Variants in CAST observed in about 807,000 individuals in gnomAD.
The protein encoded by CAST is calpastatin, also known as MIR583 host.
In CAST, 76 loss-of-function variants were observed where a neutral mutation model predicts 119.6. That is an observed-to-expected ratio of 0.64 (90% CI 0.53 to 0.77). The LOEUF is 0.77. Ranked by LOEUF, CAST falls within the 30% of genes least tolerant of loss-of-function variation. The pLI is 0.00. For missense variants in CAST, 953 were observed against 946.5 expected (o/e 1.01, Z -0.09); for synonymous variants, 319 against 331.6 (o/e 0.96, Z 0.41).
the CAST span, among the ~76,000 whole-genome samples, chr5:96,159,609 G>T: frequency 6.6e-6 from 1 of 151,828 alleles, no homozygotes; most frequent in African/African-American, 2.4e-5. Flanking sequence ...GCAGATTTTT[G>T]TTTTTTACTT....
At chr5:95,989,747 G>A in the CAST span, among the ~76,000 whole-genome samples, 1 of 152,038 alleles carries the variant, frequency 6.6e-6, no homozygotes, top group African/African-American at 2.4e-5. Flanking sequence ...GTAAGTTAAA[G>A]ATCATTATGT....
chr5:96,196,179 C>T, the CAST span, among the ~76,000 whole-genome samples: 4 of 152,154 alleles, frequency 2.6e-5, no homozygotes, highest in Admixed American at 2.6e-4. Context: ...AGAAACTAGA[C>T]AGAAGCCATC....
chr5:96,199,529 A>G, the CAST span, among the ~76,000 whole-genome samples: 1 of 152,094 alleles, frequency 6.6e-6, no homozygotes, highest in Non-Finnish European at 1.5e-5. Context: ...TTCTTGATGT[A>G]CCTATTTTTT....
At chr5:96,767,121 AG>A (rs1233312861) in intron 27 of CAST, among the ~76,000 whole-genome samples, 1 of 152,252 alleles carries the variant, frequency 6.6e-6, no homozygotes, top group African/African-American at 2.4e-5. Context: ...TAAAAACACA[AG>A]TAACTTTTTA....
the CAST span, among the ~76,000 whole-genome samples, chr5:96,202,247 CA>C: frequency 2.0e-5 from 3 of 152,000 alleles, no homozygotes; most frequent in African/African-American, 7.2e-5. Flanking sequence ...AAACCTAATA[CA>C]TTTTTTTCCA....
intron 1 of CAST, among the ~76,000 whole-genome samples, chr5:96,538,741 C>A (rs950239293): frequency 2.6e-5 from 4 of 151,882 alleles, no homozygotes; most frequent in African/African-American, 9.7e-5. Flanking sequence ...GACCCCCCCA[C>A]ACACACACCG....
chr5:96,676,455 CA>C (rs1000355255), intron 2 of CAST, among the ~76,000 whole-genome samples: 10 of 152,220 alleles, frequency 6.6e-5, no homozygotes, highest in Admixed American at 6.5e-4. Flanking sequence ...TCTGCAGTTT[CA>C]AAATAGTCAA....
the CAST span, among the ~76,000 whole-genome samples, chr5:96,016,994 G>A: frequency 1.3e-4 from 19 of 151,816 alleles, no homozygotes; most frequent in Non-Finnish European, 2.8e-4. Flanking sequence ...CTGCCACCAC[G>A]CACAGCTAAT....
the CAST span, among the ~76,000 whole-genome samples, chr5:96,271,001 TA>T: frequency 8.0e-3 from 1,078 of 134,470 alleles, 11 homozygotes; most frequent in African/African-American, 0.027. Flanking sequence ...AAATAATATT[TA>T]AAAAAAATGA....
chr5:95,997,511 G>C, the CAST span, among the ~76,000 whole-genome samples: 1 of 152,136 alleles, frequency 6.6e-6, no homozygotes, highest in Admixed American at 6.6e-5. Flanking sequence ...GTTTGTTTGA[G>C]TAGCTAGGTA....
the CAST span, among the ~76,000 whole-genome samples, chr5:96,261,921 CA>C: frequency 6.6e-6 from 1 of 152,130 alleles, no homozygotes; most frequent in African/African-American, 2.4e-5. Context: ...TTTTTATGAT[CA>C]CATCTAATCC....
At chr5:96,731,847 G>A (rs1581170029) in intron 9 of CAST, among the ~76,000 whole-genome samples, 1 of 151,762 alleles carries the variant, frequency 6.6e-6, no homozygotes, top group Non-Finnish European at 1.5e-5. Context: ...ATTTTTTATG[G>A]CTGCATAGTA....
At chr5:96,557,217 C>G (rs1580823238) in intron 1 of CAST, among the ~76,000 whole-genome samples, 2 of 152,004 alleles carry the variant, frequency 1.3e-5, no homozygotes, top group African/African-American at 4.8e-5. Flanking sequence ...AAGCACTAAA[C>G]ATGGAAAGGA....
the CAST span, among the ~76,000 whole-genome samples, chr5:96,147,541 T>G: frequency 2.0e-5 from 3 of 152,036 alleles, no homozygotes; most frequent in Non-Finnish European, 4.4e-5. Context: ...AGGCGGAGCT[T>G]GCAGTGAGCC....
At chr5:96,621,514 G>A (rs1459110324) in intron 1 of CAST, among the ~76,000 whole-genome samples, 1 of 152,186 alleles carries the variant, frequency 6.6e-6, no homozygotes, top group Admixed American at 6.5e-5. Context: ...TCATATCGCA[G>A]CAGGAGAGAG....
intron 19 of CAST, among the ~76,000 whole-genome samples, chr5:96,748,949 G>T (rs914578479): frequency 6.6e-6 from 1 of 152,020 alleles, no homozygotes; most frequent in Non-Finnish European, 1.5e-5. Flanking sequence ...ATGTCCGCCG[G>T]ACTCATTCTT....
chr5:96,072,172 A>T, the CAST span, among the ~76,000 whole-genome samples: 1 of 152,136 alleles, frequency 6.6e-6, no homozygotes, highest in Non-Finnish European at 1.5e-5. Flanking sequence ...TGGGGTATGG[A>T]GCATTATACC....
At chr5:96,668,154 A>G (rs1023040107) in intron 1 of CAST, among the ~76,000 whole-genome samples, 7 of 149,960 alleles carry the variant, frequency 4.7e-5, no homozygotes, top group Non-Finnish European at 8.9e-5. Flanking sequence ...ACGCGTGCAC[A>G]CACACACACA....
chr5:96,662,327 C>T (rs899327600), upstream of CAST: 20 of 414,876 alleles, frequency 4.8e-5, 2 homozygotes, highest in South Asian at 5.5e-4. Flanking sequence ...TCCGCTCCCT[C>T]CCTCCCTCCC....
Sources: allele counts gnomAD v4.1 joint callset (sites outside exome capture counted in the v4.1 genomes callset), GRCh38; gene constraint gnomAD v4.1.1; transcripts MANE v1.5; gene names NCBI Gene and HGNC (gene_info 2026-07-23, HGNC 2026-07-21).